The following ST6GALNAC5 variants were observed in gnomAD, a reference collection of about 807,000 sequenced individuals.
The protein encoded by ST6GALNAC5 is alpha-N-acetylgalactosaminide alpha-2,6-sialyltransferase 5.
In ST6GALNAC5, 27 loss-of-function variants were observed where a neutral mutation model predicts 33.6. The ratio of observed to expected loss-of-function variants is 0.80; its 90% confidence interval spans 0.59 to 1.11. The LOEUF is 1.11. Among genes scored for constraint, ST6GALNAC5 ranks in the 50% least tolerant of loss-of-function variants. The pLI is 0.00. For synonymous variants in ST6GALNAC5, 194 were observed against 171.2 expected (o/e 1.13, Z -1.04); for missense variants, 428 against 454.0 (o/e 0.94, Z 0.52).
At chr1:77,001,855 G>A (rs2100410813) in intron 2 of ST6GALNAC5, among the ~76,000 whole-genome samples, 1 of 151,840 alleles carries the variant, frequency 6.6e-6, no homozygotes, top group Admixed American at 6.6e-5. Flanking sequence ...TGATCATGGT[G>A]GATAAGCTTT....
chr1:77,044,534 C>T lies in ST6GALNAC5; in HGVS notation c.592C>T (p.Arg198Trp), dbSNP rs765863536. Reference sequence around the variant, plus strand: ...GCATCTCCTGAGCCAGGTGCTGCCCCGGCTGAAGGCCTTCATGATTACTCG... The same window carrying T: ...GCATCTCCTGAGCCAGGTGCTGCCCTGGCTGAAGGCCTTCATGATTACTCG... ...NLHLLSQVLPRLKAFMITRHK... is the reference protein window; with the variant it reads ...NLHLLSQVLPWLKAFMITRHK... Residue 198 changes from arginine (R) to tryptophan (W), a missense_variant, in exon 3 of 5, where the codon CGG becomes TGG. Transcript: ENST00000477717. 1.6e-5 allele frequency: 26 copies of T among 1,608,132 alleles called. No homozygotes were observed. Among genetic ancestry groups the T allele is most frequent in the South Asian group, 1.2e-4 (11 of 90,346 alleles).
intron 2 of ST6GALNAC5, among the ~76,000 whole-genome samples, chr1:76,870,570 G>A (rs1261040006): frequency 6.6e-6 from 1 of 152,130 alleles, no homozygotes. Flanking sequence ...AAATATGTTT[G>A]ATTTCAATTT....
At chr1:77,056,129 G>A (rs999399459) in intron 4 of ST6GALNAC5, among the ~76,000 whole-genome samples, 2 of 152,120 alleles carry the variant, frequency 1.3e-5, no homozygotes, top group East Asian at 1.9e-4. Flanking sequence ...AGTTGAGAAA[G>A]CTGGAGAAAA....
intron 2 of ST6GALNAC5, among the ~76,000 whole-genome samples, chr1:76,885,982 T>A (rs1570638836): frequency 1.3e-5 from 2 of 152,216 alleles, no homozygotes; most frequent in East Asian, 3.9e-4. Context: ...CTGTTAGAGG[T>A]GATCGCCATC....
intron 2 of ST6GALNAC5, among the ~76,000 whole-genome samples, chr1:76,994,017 C>CA (rs577677377): frequency 1.3e-5 from 2 of 152,290 alleles, no homozygotes; most frequent in East Asian, 3.9e-4. Context: ...AAGTAACACA[C>CA]ACTGTGAAAT....
chr1:77,027,402 T>C (rs1651287119), intron 2 of ST6GALNAC5, among the ~76,000 whole-genome samples: 2 of 152,166 alleles, frequency 1.3e-5, no homozygotes, highest in African/African-American at 4.8e-5. Flanking sequence ...GTTTACTGTG[T>C]GTGTTGAAAA....
chr1:76,894,858 C>T (rs1482718282), intron 2 of ST6GALNAC5, among the ~76,000 whole-genome samples: 1 of 152,124 alleles, frequency 6.6e-6, no homozygotes, highest in African/African-American at 2.4e-5. Flanking sequence ...TTTGTGTGAG[C>T]AATAAAGCTG....
chr1:77,044,718 C>T, intron 3 of ST6GALNAC5, 105 bp downstream of exon 3: 1 of 1,367,004 alleles, frequency 7.3e-7, no homozygotes, highest in Non-Finnish European at 9.9e-7. Context: ...TTGTGGGCTC[C>T]ACTGCTCATG....
chr1:76,885,280 A>T (rs924128472), intron 2 of ST6GALNAC5, among the ~76,000 whole-genome samples: 4 of 152,190 alleles, frequency 2.6e-5, no homozygotes, highest in African/African-American at 9.6e-5. Flanking sequence ...CTAGTTTTGA[A>T]AATGAAATTT....
At chr1:76,878,166 A>C (rs1427746501) in intron 2 of ST6GALNAC5, among the ~76,000 whole-genome samples, 4 of 152,140 alleles carry the variant, frequency 2.6e-5, no homozygotes, top group Non-Finnish European at 5.9e-5. Context: ...CCCTACAGGG[A>C]TGCGATATTG....
chr1:76,887,042 C>G (rs1285811165), intron 2 of ST6GALNAC5, among the ~76,000 whole-genome samples: 1 of 152,062 alleles, frequency 6.6e-6, no homozygotes, highest in East Asian at 1.9e-4. Context: ...TGTAAAGTAA[C>G]CCCCTCTTTT....
rs768924800 is a variant in ST6GALNAC5, at chr1:77,044,288, C to A, written c.346C>A (p.Gln116Lys). 14 of 1,613,852 alleles carry A rather than the reference C, an allele frequency of 8.7e-6. No individual in the cohort carries two copies. In the Admixed American group the frequency reaches 1.3e-4, roughly 15 times the overall value. The change falls in exon 3 of 5, where the codon CAG becomes AAG. Residue 116 changes from glutamine (Q) to lysine (K), a missense_variant. Transcript: ENST00000477717. ...LHSRQGSQID[Q>K]TECVIRMNDA... ...CAGTCGGCAAGGCTCCCAGATTGAC[C>A]AGACAGAGTGTGTCATCCGCATGAA...
chr1:76,999,913 C>T (rs1650080694), intron 2 of ST6GALNAC5, among the ~76,000 whole-genome samples: 1 of 127,462 alleles, frequency 7.8e-6, no homozygotes, highest in Non-Finnish European at 1.8e-5. Flanking sequence ...GGGTTGGTTC[C>T]AAGTCTTTGC....
chr1:77,047,134 T>C (rs958976856), intron 3 of ST6GALNAC5, among the ~76,000 whole-genome samples: 3 of 152,218 alleles, frequency 2.0e-5, no homozygotes, highest in Non-Finnish European at 4.4e-5. Flanking sequence ...ACGTAGTCCC[T>C]ACTCAGGGGA....
intron 2 of ST6GALNAC5, among the ~76,000 whole-genome samples, chr1:76,908,999 G>A (rs1266781762): frequency 6.6e-6 from 1 of 152,112 alleles, no homozygotes. Context: ...ACTACCCAGT[G>A]GTTATTATAG....
intron 2 of ST6GALNAC5, among the ~76,000 whole-genome samples, chr1:76,917,269 A>T (rs1444764415): frequency 2.0e-5 from 3 of 152,224 alleles, no homozygotes; most frequent in Non-Finnish European, 2.9e-5. Context: ...TTGACACAAG[A>T]TAAGTCTAAA....
chr1:76,880,160 A>G (rs1490236691), intron 2 of ST6GALNAC5, among the ~76,000 whole-genome samples: 1 of 152,202 alleles, frequency 6.6e-6, no homozygotes, highest in African/African-American at 2.4e-5. Flanking sequence ...ACATATGGTC[A>G]AAGGTATTAG....
chr1:76,933,717 T>C (rs1252832436), intron 2 of ST6GALNAC5, among the ~76,000 whole-genome samples: 1 of 145,262 alleles, frequency 6.9e-6, no homozygotes, highest in East Asian at 2.0e-4. Context: ...AGACGTATCC[T>C]TGACATTAGC....
At chr1:76,968,409 GC>G (rs1394096298) in intron 2 of ST6GALNAC5, among the ~76,000 whole-genome samples, 1 of 151,962 alleles carries the variant, frequency 6.6e-6, no homozygotes, top group Non-Finnish European at 1.5e-5. Context: ...TGCAACCCCT[GC>G]TTTTTTGCCT....
Sources: allele counts gnomAD v4.1 joint callset (sites outside exome capture counted in the v4.1 genomes callset), GRCh38; gene constraint gnomAD v4.1.1; transcripts MANE v1.5; gene names NCBI Gene and HGNC (gene_info 2026-07-23, HGNC 2026-07-21).